KRT20: variants seen among roughly 807,000 people sequenced by gnomAD.
KRT20 encodes keratin, type I cytoskeletal 20.
KRT20 carries 41 observed loss-of-function variants against 43.0 expected under a neutral mutation model. The ratio of observed to expected loss-of-function variants is 0.95; its 90% CI spans 0.74 to 1.24. The LOEUF (loss-of-function observed/expected upper bound fraction) is 1.24. Ranked by LOEUF, KRT20 falls within the 50% of genes most tolerant of loss-of-function variation. The pLI is 0.00. For missense variants in KRT20, 533 were observed against 521.2 expected, an observed-to-expected ratio of 1.02 and a Z score of -0.22; for synonymous variants, 207 against 200.6, an observed-to-expected ratio of 1.03 and a Z score of -0.27.
At chr17:40,883,649 A>G (rs1470017910) in intron 1 of KRT20, among the ~76,000 whole-genome samples, 1 of 152,274 alleles carries the variant, frequency 6.6e-6, no homozygotes, top group Non-Finnish European at 1.5e-5. Flanking sequence ...TTCTCTTTCA[A>G]TGGACCCAGT....
Position 40,877,416 on chromosome 17 carries a change from TTC to T in KRT20, c.1140-1_1140del. On this transcript the variant is annotated splice_acceptor_variant and coding_sequence_variant, in exon 7 of 8. Transcript: ENST00000167588. LOFTEE classifies it high-confidence loss of function. ...AGGGTGCTTAACTGATATTCTGTAG[TTC>T]TGTTTTTTTTTTTAATGAAAAGAAG... is the stretch of plus-strand genomic sequence containing the variant. The T allele has an allele frequency of 2.0e-6, 3 of 1,510,528 alleles. No homozygotes were observed. The South Asian group carries it at 4.0e-5, about 20-fold the overall frequency. The allele number at this position is 1,510,528 out of a possible 1,614,324, so 93.6% of individuals were successfully genotyped here.
Position 40,880,168 on chromosome 17 carries a change from T to C in KRT20, c.724A>G (p.Met242Val). Reference sequence around the variant, plus strand: ...GCCATGACTTCATACTTCTGCCTCATTTCATTCATGATGACGCCAAGGTTC... The same window carrying C: ...GCCATGACTTCATACTTCTGCCTCACTTCATTCATGATGACGCCAAGGTTC... ...GLNLGVIMNE[M>V]RQKYEVMAQK... The change falls in exon 4 of 8, where the codon ATG becomes GTG. Residue 242 changes from methionine (M) to valine (V), a missense_variant. By Grantham distance (21) the Met-to-Val change is conservative. Coordinates refer to ENST00000167588, the MANE Select transcript of KRT20 (RefSeq NM_019010.3). 3.7e-6 allele frequency: 6 copies of C among 1,614,186 alleles called. No homozygotes were observed. The highest frequency in any genetic ancestry group is 5.1e-6 in the Non-Finnish European group (6 of 1,180,024).
chr17:40,880,623 C>A lies in KRT20; in HGVS notation c.621G>T (p.Glu207Asp). Residue 207 changes from glutamate to aspartate, a missense_variant, in exon 3 of 8, where the codon GAG becomes GAT. Coordinates refer to ENST00000167588, the MANE Select transcript of KRT20 (RefSeq NM_019010.3). ...CTGAATATTTTCTCACCTCCTGATG[C>A]TCCTTTTTGAGGAGAGCTAGGTCTT... ...LNKDLALLKK[E>D]HQEEVDGLHK... 1 of 1,613,200 alleles carries A rather than the reference C, an allele frequency of 6.2e-7. No homozygotes were observed. The highest frequency in any genetic ancestry group is 8.5e-7 in the Non-Finnish European group (1 of 1,179,622).
chr17:40,880,069 GT>G (rs1336883437), intron 4 of KRT20, 30 bp downstream of exon 4: 7 of 1,601,362 alleles, frequency 4.4e-6, no homozygotes, highest in Non-Finnish European at 6.0e-6. Context: ...GCATCTACAC[GT>G]TTGCTCACCC....
At position 40,876,251 on chromosome 17, in the gene KRT20, T is replaced by A; in HGVS notation, c.*110A>T. Reference sequence around the variant, plus strand: ...CCGCCACCCCACCCCTTCTAATCACTGCAGAGTATTAATAGTGCTTTCTTA... The same window carrying A: ...CCGCCACCCCACCCCTTCTAATCACAGCAGAGTATTAATAGTGCTTTCTTA... On this transcript the variant is annotated 3_prime_UTR_variant, in exon 8 of 8. Transcript: ENST00000167588. 113 of 646,156 alleles carry A rather than the reference T, an allele frequency of 1.7e-4. No individual in the cohort carries two copies. Among genetic ancestry groups the A allele is most frequent in the Non-Finnish European group, 2.1e-4 (73 of 350,500 alleles). The allele number at this position is 646,156 out of a possible 1,614,324, so 40.0% of individuals were successfully genotyped here.
rs371817674 is a variant in KRT20 at position 40,876,426 on chromosome 17, C to T, written c.1210G>A (p.Val404Met). The T allele has an allele frequency of 3.1e-5, 50 of 1,612,820 alleles. No homozygotes were observed. The highest frequency in any genetic ancestry group is 1.2e-4 in the African/African-American group (9 of 75,000). ...IKKTRKIKTV[V>M]QEVVDGKVVS... ...ACCTTGCCATCCACTACTTCTTGCA[C>T]GACTGTCTTAATCTTCCTGGTTTTC... The change falls in exon 8 of 8, where the codon GTG becomes ATG. Residue 404 changes from valine to methionine, a missense_variant. Coordinates refer to ENST00000167588, the MANE Select transcript of KRT20 (RefSeq NM_019010.3).
At chr17:40,882,505 G>T in intron 2 of KRT20, 67 bp downstream of exon 2, 1 of 738,830 alleles carries the variant, frequency 1.4e-6, no homozygotes, top group South Asian at 2.0e-5. Flanking sequence ...ATGGAAAGCT[G>T]AGTATCTGGA....
chr17:40,878,580 A>C (rs946049155), intron 5 of KRT20, among the ~76,000 whole-genome samples: 13 of 152,056 alleles, frequency 8.5e-5, no homozygotes, highest in South Asian at 2.1e-4. Flanking sequence ...GTAGCTTTGC[A>C]CCTACTGTTC....
chr17:40,880,333 T>C, intron 3 of KRT20, 72 bp from the exon 4 acceptor site: 1 of 1,391,600 alleles, frequency 7.2e-7, no homozygotes, highest in Non-Finnish European at 9.8e-7. Flanking sequence ...AGAAAAGACA[T>C]AAGGAGTCTC....
chr17:40,876,423 G>T lies in KRT20; in HGVS notation c.1213C>A (p.Gln405Lys), dbSNP rs1261386002. Residue 405 changes from glutamine (Q) to lysine (K), a missense_variant, in exon 8 of 8, where the codon CAA (glutamine) becomes AAA (lysine). Transcript: ENST00000167588. ...ACGACCTTGCCATCCACTACTTCTT[G>T]CACGACTGTCTTAATCTTCCTGGTT... The part of the protein sequence containing the change: ...KKTRKIKTVV[Q>K]EVVDGKVVSS... The T allele has an allele frequency of 6.2e-7, 1 of 1,612,750 alleles. No homozygotes were observed. The highest frequency in any genetic ancestry group is 1.7e-5 in the Admixed American group (1 of 60,014).
rs1352651402 is a variant in KRT20 at position 40,878,326 on chromosome 17, G to A, written c.958C>T (p.Arg320Cys). The A allele has an allele frequency of 5.0e-6, 8 of 1,614,014 alleles. No homozygotes were observed. Among genetic ancestry groups the A allele is most frequent in the African/African-American group, 2.7e-5 (2 of 75,012 alleles). ...LEHTLEETKA[R>C]YSSQLANLQS... is the part of the protein sequence containing the mutation. ...AGGTTGGCTAACTGGCTGCTGTAAC[G>A]GGCCTTGGTCTCCTCTAGAGTGTGC... Residue 320 changes from arginine (R) to cysteine (C), a missense_variant, in exon 6 of 8, where the codon CGT (arginine) becomes TGT (cysteine). Physicochemically the swap from Arg to Cys is radical, Grantham distance 180 (BLOSUM62 -3). Transcript: ENST00000167588.
At chr17:40,881,227 C>CTGTGTGTGTGTGTGTGTGTGTG (rs34632722) in intron 2 of KRT20, among the ~76,000 whole-genome samples, 18 of 145,648 alleles carry the variant, frequency 1.2e-4, no homozygotes, top group African/African-American at 4.3e-4. Context: ...TACATACACA[C>CTGTGTGTGTGTGTGTGTGTGTG]TGTGTGTGTG....
Position 40,885,015 on chromosome 17 carries a change from G to C in KRT20, c.171C>G (p.Ser57Arg). 6.2e-7 allele frequency: 1 copy of C among 1,614,144 alleles called. No individual in the cohort carries two copies. The highest frequency in any genetic ancestry group is 8.5e-7 in the Non-Finnish European group (1 of 1,180,030). ...ACAGGTCCCCGCCGCCTGTGAGATCGCTCCCATAGTTCACCGTGTGTCTGG... is the reference window on the plus strand; with the variant it reads ...ACAGGTCCCCGCCGCCTGTGAGATCCCTCCCATAGTTCACCGTGTGTCTGG... ...SNSRHTVNYG[S>R]DLTGGGDLFV... The change falls in exon 1 of 8, where the codon AGC becomes AGG. Residue 57 changes from serine to arginine, a missense_variant. Coordinates refer to ENST00000167588, the MANE Select transcript of KRT20 (RefSeq NM_019010.3).
At position 40,884,882 on chromosome 17, in the gene KRT20, T is replaced by C. The variant is rs769628027; in HGVS notation, c.304A>G (p.Ile102Val). 1.1e-5 allele frequency: 17 copies of C among 1,614,042 alleles called. No homozygotes were observed. The African/African-American group carries it at 1.9e-4, about 18-fold the overall frequency. Residue 102 changes from isoleucine to valine, a missense_variant, in exon 1 of 8, where the codon ATC becomes GTC. Ile to Val is a conservative substitution (Grantham distance 29). Transcript: ENST00000167588. ...EQSNSKLEVQ[I>V]KQWYETNAPR... ...GCGTTGGTTTCGTACCACTGCTTGA[T>C]TTGCACTTCAAGTTTGGAGTTGGAC...
chr17:40,877,375 C>G lies in KRT20; in HGVS notation c.1177+5G>C. ...ATAGAAAATGTGCAAAAATTTAGAA[C>G]TTACCTCTCTCTTCCAGGGTGCTTA... On this transcript the variant is annotated splice_donor_5th_base_variant and intron_variant, in intron 7 of 7. Transcript: ENST00000167588. The G allele has an allele frequency of 6.5e-7, 1 of 1,532,682 alleles. No homozygotes were observed. Among genetic ancestry groups the G allele is most frequent in the African/African-American group, 1.4e-5 (1 of 69,270 alleles). 94.9% of individuals were successfully genotyped at this position (1,532,682 alleles called of 1,614,324 possible).
At position 40,885,098 on chromosome 17, in the gene KRT20, C is replaced by T. The variant is rs767946342; in HGVS notation, c.88G>A (p.Gly30Arg). The change falls in exon 1 of 8, where the codon GGG becomes AGG. Residue 30 changes from glycine to arginine, a missense_variant. Physicochemically the swap from Gly to Arg is moderately radical, Grantham distance 125. Transcript: ENST00000167588. ...VVSTVGMQRL[G>R]TTPSVYGGAG... ...CCCCCATAAACGCTGGGTGTCGTCC[C>T]GAGGCGCTGCATGCCCACTGTACTG... 12 of 1,613,950 alleles carry T rather than the reference C, an allele frequency of 7.4e-6. No individual in the cohort carries two copies. The Admixed American group carries it at 1.7e-4, about 22-fold the overall frequency.
Position 40,879,859 on chromosome 17 carries a change from C to T in KRT20, c.872G>A (p.Arg291His), listed in dbSNP as rs755613378. 7.4e-6 allele frequency: 12 copies of T among 1,613,086 alleles called. No individual in the cohort carries two copies. The highest frequency in any genetic ancestry group is 4.5e-5 in the East Asian group (2 of 44,874). The change falls in exon 5 of 8, where the codon CGC becomes CAC. Residue 291 changes from arginine to histidine, a missense_variant. Arg to His is a conservative substitution (Grantham distance 29). Coordinates refer to ENST00000167588, the MANE Select transcript of KRT20 (RefSeq NM_019010.3). Reference sequence around the variant, plus strand: ...TTCTATCTCAAGGCTCTGGGAGGTGCGTCTCAGCTCCGTTAGTTGAACCTC... The same window carrying T: ...TTCTATCTCAAGGCTCTGGGAGGTGTGTCTCAGCTCCGTTAGTTGAACCTC... ...GTEVQLTELR[R>H]TSQSLEIELQ...
At position 40,884,069 on chromosome 17, in the gene KRT20, A is replaced by G. The variant is rs74480143; in HGVS notation, c.390+727T>C. The stretch of plus-strand genomic sequence containing the variant: ...CTCTGTGTCATATCTGAAATTTTCA[A>G]TTAGGAGCAAAGTCTTCTGCTTTTA... On this transcript the variant is annotated intron_variant, in intron 1 of 7. Transcript: ENST00000167588. Among the ~76,000 whole-genome samples the G allele has an allele frequency of 4.8e-3, 733 of 152,374 alleles. 4 individuals are homozygous for G. The highest frequency in any genetic ancestry group is 7.4e-3 in the Non-Finnish European group (505 of 68,034).
chr17:40,879,937 G>T lies in KRT20; in HGVS notation c.794C>A (p.Thr265Asn). 6.2e-7 allele frequency: 1 copy of T among 1,613,694 alleles called. No homozygotes were observed. The highest frequency in any genetic ancestry group is 8.5e-7 in the Non-Finnish European group (1 of 1,179,930). Reference sequence around the variant, plus strand: ...TGTGACCTGTTGCTGCAGAACTGCAGTCTACAGTGCCAAGAGTGAAAAAAA... The same window carrying T: ...TGTGACCTGTTGCTGCAGAACTGCATTCTACAGTGCCAAGAGTGAAAAAAA... ...QEAKEQFERQ[T>N]AVLQQQVTVN... is the part of the protein sequence containing the mutation. The change falls in exon 5 of 8, where the codon ACT becomes AAT. Residue 265 changes from threonine to asparagine, a missense_variant and splice_region_variant. Physicochemically the swap from Thr to Asn is moderately conservative, Grantham distance 65. Transcript: ENST00000167588.
Sources: allele counts gnomAD v4.1 joint callset (sites outside exome capture counted in the v4.1 genomes callset), GRCh38; gene constraint gnomAD v4.1.1; transcripts MANE v1.5; gene names NCBI Gene and HGNC (gene_info 2026-07-23, HGNC 2026-07-21).